The following ARHGAP42 variants were observed in gnomAD, a reference collection of about 807,000 sequenced individuals.
ARHGAP42 encodes Rho GTPase activating protein 42.
ARHGAP42 carries 63 observed loss-of-function variants against 125.0 expected under a neutral mutation model. That is an observed-to-expected ratio of 0.50 (90% CI 0.41 to 0.62). The LOEUF (loss-of-function observed/expected upper bound fraction) is 0.62. Ranked by LOEUF, ARHGAP42 falls within the 20% of genes least tolerant of loss-of-function variation. The probability of loss-of-function intolerance (pLI) is 0.00; values close to 1 mark genes in which losing one functional copy is unlikely to be tolerated. For synonymous variants in ARHGAP42, 339 were observed against 351.0 expected, an observed-to-expected ratio of 0.97 and a Z score of 0.38; for missense variants, 766 against 1,024.2, an observed-to-expected ratio of 0.75 and a Z score of 3.44.
In ARHGAP42 at chr11:100,780,033, A is replaced by C. The variant is rs1214494747; in HGVS notation, c.250+9595A>C. 2.1e-5 allele frequency among the ~76,000 whole-genome samples: 3 copies of C among 143,404 alleles called. 1 individual carries two copies. In the South Asian group the frequency reaches 6.5e-4, roughly 31 times the overall value. The allele number at this position is 143,404 out of a possible 152,430, so 94.1% of individuals were successfully genotyped here. A position where few individuals can be genotyped will look rare whatever the true frequency, so the allele number is the denominator to read the frequency against. ...AGAGTGAGACTCCATCTCAAAAACTAAAAAAAAAAACAAGTTTTAAAAATA... is the reference window on the plus strand; with the variant it reads ...AGAGTGAGACTCCATCTCAAAAACTCAAAAAAAAAACAAGTTTTAAAAATA... On this transcript the variant is annotated intron_variant, in intron 2 of 23. Transcript: ENST00000298815.
intron 1 of ARHGAP42, among the ~76,000 whole-genome samples, chr11:100,744,408 C>T (rs1862252673): frequency 6.6e-6 from 1 of 152,008 alleles, no homozygotes; most frequent in South Asian, 2.1e-4. Context: ...TGTTCTGGAT[C>T]CATTGCTGGA....
intron 1 of ARHGAP42, among the ~76,000 whole-genome samples, chr11:100,708,505 C>T (rs144651827): frequency 6.6e-6 from 1 of 152,104 alleles, no homozygotes; most frequent in African/African-American, 2.4e-5. Flanking sequence ...CAGAGTGAGA[C>T]CTGTCTCAAA....
At chr11:100,840,176 C>T (rs914852976) in intron 3 of ARHGAP42, among the ~76,000 whole-genome samples, 5 of 152,154 alleles carry the variant, frequency 3.3e-5, no homozygotes, top group African/African-American at 9.7e-5. Context: ...TTTAAAACAG[C>T]TAAATGTTTC....
chr11:100,773,628 C>G (rs1179739166), intron 2 of ARHGAP42, among the ~76,000 whole-genome samples: 1 of 152,206 alleles, frequency 6.6e-6, no homozygotes, highest in Non-Finnish European at 1.5e-5. Context: ...GGTTTTTAAT[C>G]ACTATGCTAC....
chr11:100,775,222 G>A (rs1190626821), intron 2 of ARHGAP42, among the ~76,000 whole-genome samples: 1 of 152,214 alleles, frequency 6.6e-6, no homozygotes, highest in Non-Finnish European at 1.5e-5. Flanking sequence ...CTTTTTATTT[G>A]GCTTTGGTGT....
chr11:100,810,387 C>CCGG (rs1565223941), intron 3 of ARHGAP42, among the ~76,000 whole-genome samples: 1 of 152,228 alleles, frequency 6.6e-6, no homozygotes, highest in East Asian at 1.9e-4. Context: ...TGGTTAACCA[C>CCGG]CGGCTGGTCC....
chr11:100,763,680 G>A (rs745661158), intron 1 of ARHGAP42, among the ~76,000 whole-genome samples: 3 of 151,450 alleles, frequency 2.0e-5, no homozygotes, highest in Non-Finnish European at 4.4e-5. Flanking sequence ...AGTAGAGATG[G>A]GGTTTCCCCA....
At chr11:100,943,174 A>G (rs1867926502) in intron 9 of ARHGAP42, among the ~76,000 whole-genome samples, 1 of 151,710 alleles carries the variant, frequency 6.6e-6, no homozygotes, top group South Asian at 2.1e-4. Context: ...TTTTCCCATT[A>G]CTTTTAATGG....
intron 1 of ARHGAP42, among the ~76,000 whole-genome samples, chr11:100,748,820 A>T (rs2120352580): frequency 6.8e-6 from 1 of 147,114 alleles, no homozygotes; most frequent in African/African-American, 2.4e-5. Context: ...TTGGAGTGTT[A>T]CAGGGTCACG....
intron 17 of ARHGAP42, among the ~76,000 whole-genome samples, chr11:100,970,057 C>T (rs530987732): frequency 5.3e-5 from 8 of 151,800 alleles, no homozygotes; most frequent in Non-Finnish European, 1.2e-4. Flanking sequence ...GGTACAATCT[C>T]GGCTCACTGC....
At chr11:100,808,424 A>T (rs1010716773) in intron 3 of ARHGAP42, among the ~76,000 whole-genome samples, 4 of 115,618 alleles carry the variant, frequency 3.5e-5, no homozygotes, top group East Asian at 2.6e-4. Context: ...TTTGAGACGG[A>T]GTCTCGCTCT....
intron 4 of ARHGAP42, among the ~76,000 whole-genome samples, chr11:100,895,608 G>C (rs75093260): frequency 0.066 from 9,963 of 151,692 alleles, 452 homozygotes; most frequent in East Asian, 0.24. Flanking sequence ...CCAGCTGGAG[G>C]GAAGAAATGC....
intron 3 of ARHGAP42, among the ~76,000 whole-genome samples, chr11:100,816,036 T>G (rs1864258835): frequency 6.6e-6 from 1 of 152,202 alleles, no homozygotes; most frequent in African/African-American, 2.4e-5. Flanking sequence ...TATATTTTGT[T>G]CATCTATTTA....
chr11:100,856,083 AC>A (rs1865316100), intron 3 of ARHGAP42, among the ~76,000 whole-genome samples: 1 of 151,986 alleles, frequency 6.6e-6, no homozygotes, highest in African/African-American at 2.4e-5. Flanking sequence ...AATCTCCTGA[AC>A]TCTGACTTGA....
At chr11:100,936,114 T>A in intron 7 of ARHGAP42, 89 bp from the exon 8 acceptor site, 3 of 1,478,192 alleles carry the variant, frequency 2.0e-6, no homozygotes, top group Non-Finnish European at 2.7e-6. Context: ...GTCTCAAAAA[T>A]AAATAAAAGC....
chr11:100,901,902 C>T (rs987527441), intron 4 of ARHGAP42, among the ~76,000 whole-genome samples: 4 of 152,208 alleles, frequency 2.6e-5, no homozygotes, highest in African/African-American at 4.8e-5. Context: ...TGCTTTGGCT[C>T]GCCCTCTGTG....
chr11:100,744,942 C>T (rs765743237), intron 1 of ARHGAP42, among the ~76,000 whole-genome samples: 8 of 152,136 alleles, frequency 5.3e-5, no homozygotes, highest in African/African-American at 7.2e-5. Flanking sequence ...TCCTGGCGCA[C>T]GTGGCCCCCG....
intron 6 of ARHGAP42, among the ~76,000 whole-genome samples, 171 bp from the exon 7 acceptor site, chr11:100,932,985 C>T (rs1867627319): frequency 6.6e-6 from 1 of 152,108 alleles, no homozygotes; most frequent in South Asian, 2.1e-4. Context: ...AATAAAAATC[C>T]TTTTGTGGTT....
chr11:100,786,705 C>T (rs1282702636), intron 2 of ARHGAP42, among the ~76,000 whole-genome samples: 1 of 152,084 alleles, frequency 6.6e-6, no homozygotes, highest in African/African-American at 2.4e-5. Context: ...GTGACTTTCA[C>T]CCTGGAGTCA....
Sources: allele counts gnomAD v4.1 joint callset (sites outside exome capture counted in the v4.1 genomes callset), GRCh38; gene constraint gnomAD v4.1.1; transcripts MANE v1.5; gene names NCBI Gene and HGNC (gene_info 2026-07-23, HGNC 2026-07-21).